TRIQK: variants seen among roughly 807,000 people sequenced by gnomAD.
The protein encoded by TRIQK is triple QxxK/R motif containing.
In TRIQK, 10 loss-of-function variants were observed where a neutral mutation model predicts 10.8. The ratio of observed to expected loss-of-function variants is 0.92; its 90% confidence interval spans 0.57 to 1.57. The LOEUF is 1.57. Ranked by LOEUF, TRIQK falls within the 40% of genes most tolerant of loss-of-function variation. TRIQK has a pLI of 0.00. For missense variants in TRIQK, 107 were observed against 97.7 expected (o/e 1.09, Z -0.40); for synonymous variants, 33 against 33.7 (o/e 0.98, Z 0.07).
chr8:92,987,300 A>G (rs1813044966), intron 1 of TRIQK, among the ~76,000 whole-genome samples: 1 of 152,168 alleles, frequency 6.6e-6, no homozygotes, highest in Non-Finnish European at 1.5e-5. Context: ...GGCTCTGTAA[A>G]TCTAAAATTA....
intron 2 of TRIQK, among the ~76,000 whole-genome samples, chr8:92,949,140 C>G (rs1016193545): frequency 2.6e-5 from 4 of 152,228 alleles, no homozygotes; most frequent in African/African-American, 9.6e-5. Flanking sequence ...TGAGCCTATT[C>G]TGGCCTGGGA....
chr8:93,009,281 T>C (rs761084424), intron 1 of TRIQK, among the ~76,000 whole-genome samples: 12 of 152,074 alleles, frequency 7.9e-5, no homozygotes, highest in Non-Finnish European at 1.8e-4. Flanking sequence ...AATAATGAAA[T>C]ATTACCTTAC....
At chr8:92,965,802 C>T (rs1368678612) in intron 1 of TRIQK, 2 of 152,576 alleles carry the variant, frequency 1.3e-5, no homozygotes, top group South Asian at 2.1e-4. Context: ...TCAGTGATCA[C>T]CGTACCTACT....
At chr8:92,990,904 C>A (rs1322739498) in intron 1 of TRIQK, among the ~76,000 whole-genome samples, 2 of 152,128 alleles carry the variant, frequency 1.3e-5, no homozygotes, top group African/African-American at 4.8e-5. Flanking sequence ...CGAGACAGAA[C>A]CATTCACTGC....
At chr8:92,959,389 G>A (rs1008084911) in intron 1 of TRIQK, among the ~76,000 whole-genome samples, 4 of 151,238 alleles carry the variant, frequency 2.6e-5, no homozygotes, top group African/African-American at 9.7e-5. Context: ...ATCTTCTCAT[G>A]CAAACAATGT....
At chr8:92,919,241 T>G (rs1810042337) in intron 2 of TRIQK, among the ~76,000 whole-genome samples, 1 of 151,972 alleles carries the variant, frequency 6.6e-6, no homozygotes, top group African/African-American at 2.4e-5. Flanking sequence ...AGGATTGTTC[T>G]TTAGGATTTT....
At chr8:93,017,189 C>G (rs1332182924) in intron 1 of TRIQK, among the ~76,000 whole-genome samples, 4 of 119,418 alleles carry the variant, frequency 3.3e-5, no homozygotes, top group Admixed American at 9.0e-5. Context: ...GAATATATAC[C>G]AATATCAGGA....
At chr8:92,966,254 C>T (rs1219550136), upstream of TRIQK, 1 of 152,258 alleles carries the variant, frequency 6.6e-6, no homozygotes, top group African/African-American at 2.4e-5. Flanking sequence ...GGCCCTGAGG[C>T]CTTTCCCTCA....
chr8:93,013,429 A>G (rs1813356379), intron 1 of TRIQK, among the ~76,000 whole-genome samples: 1 of 152,208 alleles, frequency 6.6e-6, no homozygotes, highest in African/African-American at 2.4e-5. Flanking sequence ...GTCTATGGTC[A>G]ATAAATGCTA....
chr8:92,984,884 T>C (rs1813018324), intron 1 of TRIQK, among the ~76,000 whole-genome samples: 1 of 152,162 alleles, frequency 6.6e-6, no homozygotes. Flanking sequence ...TGTGTTTTCA[T>C]ATTCCATAAT....
chr8:93,016,194 G>A (rs1813383261), intron 1 of TRIQK, among the ~76,000 whole-genome samples: 1 of 152,132 alleles, frequency 6.6e-6, no homozygotes, highest in South Asian at 2.1e-4. Context: ...ATAATTTAGA[G>A]TAGTGTCATC....
At chr8:92,988,375 G>A (rs1352478437) in intron 1 of TRIQK, among the ~76,000 whole-genome samples, 1 of 152,078 alleles carries the variant, frequency 6.6e-6, no homozygotes, top group African/African-American at 2.4e-5. Context: ...TGTCGAAAAA[G>A]GATGGATAAA....
intron 1 of TRIQK, among the ~76,000 whole-genome samples, chr8:92,958,856 G>A (rs1586499851): frequency 6.6e-6 from 1 of 152,144 alleles, no homozygotes; most frequent in East Asian, 1.9e-4. Flanking sequence ...TTAGTGTGCT[G>A]AGATGCAGAG....
chr8:92,903,432 T>C (rs1310954674), intron 3 of TRIQK, among the ~76,000 whole-genome samples: 1 of 151,994 alleles, frequency 6.6e-6, no homozygotes, highest in East Asian at 1.9e-4. Context: ...GATAATTAAA[T>C]GCCAGGCAAG....
Position 92,885,631 on chromosome 8 carries a change from T to C in TRIQK, c.*991A>G, listed in dbSNP as rs969044770. 1 of 151,754 alleles carries C rather than the reference T, an allele frequency of 6.6e-6. No individual in the cohort carries two copies. Among genetic ancestry groups the C allele is most frequent in the Non-Finnish European group, 1.5e-5 (1 of 67,824 alleles). The allele number at this position is 151,754 out of a possible 1,614,324, so 9.4% of individuals were successfully genotyped here. The stretch of plus-strand genomic sequence containing the variant: ...AATTATATCAACAGATAATTACATA[T>C]GAAATATGAGGCATATATTTTCTTC... On this transcript the variant is annotated 3_prime_UTR_variant, in exon 5 of 5. Transcript: ENST00000521988.
chr8:92,955,570 A>T (rs1233341898), intron 1 of TRIQK, among the ~76,000 whole-genome samples: 1 of 151,766 alleles, frequency 6.6e-6, no homozygotes, highest in Non-Finnish European at 1.5e-5. Flanking sequence ...TAAAAAACAG[A>T]CAAATTGAAC....
At chr8:92,994,892 A>C (rs185179014) in intron 1 of TRIQK, among the ~76,000 whole-genome samples, 18 of 151,462 alleles carry the variant, frequency 1.2e-4, no homozygotes, top group Admixed American at 3.9e-4. Flanking sequence ...ATTCTAGAGT[A>C]CTGTTGATTT....
intron 2 of TRIQK, among the ~76,000 whole-genome samples, chr8:92,919,178 T>G (rs1586423710): frequency 6.6e-6 from 1 of 152,070 alleles, no homozygotes; most frequent in East Asian, 1.9e-4. Context: ...TTTTTCTTTT[T>G]GCTCAGAACT....
chr8:92,985,846 A>T, intron 1 of TRIQK, among the ~76,000 whole-genome samples: 1 of 152,276 alleles, frequency 6.6e-6, no homozygotes, highest in Non-Finnish European at 1.5e-5. Flanking sequence ...AGGAAGCTTG[A>T]CTTTTCAGTT....
Sources: allele counts gnomAD v4.1 joint callset (sites outside exome capture counted in the v4.1 genomes callset), GRCh38; gene constraint gnomAD v4.1.1; transcripts MANE v1.5; gene names NCBI Gene and HGNC (gene_info 2026-07-23, HGNC 2026-07-21).